The following DGKB variants were observed in gnomAD, a reference collection of about 807,000 sequenced individuals.
DGKB encodes 90 kDa diacylglycerol kinase.
Under a neutral mutation model 114.3 loss-of-function variants are expected in DGKB, and 67 were observed. The ratio of observed to expected loss-of-function variants is 0.59; its 90% CI spans 0.48 to 0.72. The LOEUF is 0.72. Among genes scored for constraint, DGKB ranks in the 30% least tolerant of loss-of-function variants. The pLI is 0.00. For missense variants in DGKB, 907 were observed against 975.2 expected, an observed-to-expected ratio of 0.93 and a Z score of 0.93; for synonymous variants, 398 against 323.1, an observed-to-expected ratio of 1.23 and a Z score of -2.49.
chr7:14,843,667 C>G (rs1562694664), intron 1 of DGKB, among the ~76,000 whole-genome samples: 1 of 152,122 alleles, frequency 6.6e-6, no homozygotes, highest in Non-Finnish European at 1.5e-5. Context: ...ATTAAGTGAG[C>G]CAGAATAAGT....
intron 1 of DGKB, among the ~76,000 whole-genome samples, chr7:14,939,539 C>T (rs1785451903): frequency 6.6e-6 from 1 of 151,810 alleles, no homozygotes; most frequent in Admixed American, 6.6e-5. Context: ...AAAGCATGTT[C>T]CCTGCCATTT....
chr7:14,921,678 C>A (rs1396133054), intron 1 of DGKB, among the ~76,000 whole-genome samples: 2 of 152,076 alleles, frequency 1.3e-5, no homozygotes, highest in East Asian at 1.9e-4. Flanking sequence ...AAATAATTGA[C>A]CCAAAATGTC....
At chr7:14,471,166 A>C (rs555366770) in intron 21 of DGKB, among the ~76,000 whole-genome samples, 2 of 130,824 alleles carry the variant, frequency 1.5e-5, no homozygotes, top group African/African-American at 5.4e-5. Flanking sequence ...TTTTCCATAT[A>C]TATGGAATAT....
chr7:14,451,745 A>G (rs765144965), intron 21 of DGKB, among the ~76,000 whole-genome samples: 2 of 152,128 alleles, frequency 1.3e-5, no homozygotes, highest in African/African-American at 4.8e-5. Flanking sequence ...AGTTACATCA[A>G]TGAGAAAATG....
chr7:14,704,648 T>G (rs1390393591), intron 6 of DGKB, among the ~76,000 whole-genome samples: 2 of 152,088 alleles, frequency 1.3e-5, no homozygotes, highest in East Asian at 3.9e-4. Context: ...CCTCTTCAAG[T>G]GGGTCCCTAA....
At chr7:14,818,929 T>C (rs1488644469) in intron 2 of DGKB, among the ~76,000 whole-genome samples, 1 of 152,178 alleles carries the variant, frequency 6.6e-6, no homozygotes, top group Non-Finnish European at 1.5e-5. Flanking sequence ...ACTACACAAA[T>C]AGGCATAGCT....
intron 1 of DGKB, among the ~76,000 whole-genome samples, chr7:14,951,920 T>C (rs568449162): frequency 6.6e-6 from 1 of 152,126 alleles, no homozygotes; most frequent in South Asian, 2.1e-4. Context: ...AGGATCTAAA[T>C]AAAAGGAAAG....
intron 12 of DGKB, among the ~76,000 whole-genome samples, chr7:14,676,562 ACCC>A (rs1819892903): frequency 6.6e-6 from 1 of 152,062 alleles, no homozygotes; most frequent in African/African-American, 2.4e-5. Flanking sequence ...CCTACTAAGT[ACCC>A]ACAAAATTAA....
At chr7:14,830,664 G>A (rs976482117) in intron 2 of DGKB, among the ~76,000 whole-genome samples, 3 of 151,986 alleles carry the variant, frequency 2.0e-5, no homozygotes, top group African/African-American at 7.2e-5. Flanking sequence ...GGCAGCTGCA[G>A]TCACTCAAAA....
At chr7:14,402,712 G>C (rs187973406) in intron 21 of DGKB, among the ~76,000 whole-genome samples, 1 of 152,022 alleles carries the variant, frequency 6.6e-6, no homozygotes, top group African/African-American at 2.4e-5. Context: ...ATGATACCCA[G>C]TTTGGCCACA....
chr7:14,586,919 A>G (rs962508413), intron 17 of DGKB, among the ~76,000 whole-genome samples: 2 of 152,096 alleles, frequency 1.3e-5, no homozygotes, highest in Non-Finnish European at 2.9e-5. Flanking sequence ...GTCACCCAAT[A>G]TTCTGATGGA....
chr7:14,549,773 G>A (rs887081610), intron 20 of DGKB, among the ~76,000 whole-genome samples: 11 of 152,160 alleles, frequency 7.2e-5, no homozygotes, highest in Non-Finnish European at 1.6e-4. Flanking sequence ...TGGATCACAA[G>A]GTCAAGAGAT....
chr7:14,584,260 G>C (rs747851285), intron 17 of DGKB, among the ~76,000 whole-genome samples: 7 of 152,092 alleles, frequency 4.6e-5, no homozygotes, highest in Non-Finnish European at 1.0e-4. Context: ...CTCTTTTTAT[G>C]AATTTTTAAG....
At chr7:14,437,901 G>A (rs1463511066) in intron 21 of DGKB, among the ~76,000 whole-genome samples, 1 of 151,098 alleles carries the variant, frequency 6.6e-6, no homozygotes, top group Non-Finnish European at 1.5e-5. Flanking sequence ...ACACGTCAAA[G>A]AAATAGAAGC....
chr7:14,719,153 T>G (rs73055219), intron 5 of DGKB, among the ~76,000 whole-genome samples: 36,198 of 152,098 alleles, frequency 0.24, 4,922 homozygotes, highest in East Asian at 0.55. Flanking sequence ...GTCATATATT[T>G]GTTTCAAATA....
At position 14,533,602 on chromosome 7, in the gene DGKB, C is replaced by T. The variant is rs192741408; in HGVS notation, c.1770+40610G>A. 3.5e-3 allele frequency among the ~76,000 whole-genome samples: 533 copies of T among 151,558 alleles called. 4 individuals carry two copies. Among genetic ancestry groups the T allele is most frequent in the African/African-American group, 0.012 (502 of 41,384 alleles). On this transcript the variant is annotated intron_variant, in intron 20 of 25. Coordinates refer to ENST00000402815, the MANE Select transcript of DGKB (RefSeq NM_001350709.2). ...CACAAGTAACCGAAATAGTTTTAAA[C>T]CTAAAGAAGTCTACAATGAGAAACA...
At chr7:14,266,913 T>C (rs891574899) in intron 23 of DGKB, among the ~76,000 whole-genome samples, 6 of 152,248 alleles carry the variant, frequency 3.9e-5, no homozygotes, top group Admixed American at 1.3e-4. Flanking sequence ...TGTACATAAC[T>C]GTAACAGGTT....
At position 14,675,467 on chromosome 7, in the gene DGKB, G is replaced by A. The variant is rs141082043; in HGVS notation, c.1036-2440C>T. Among the ~76,000 whole-genome samples, 27 of 152,114 alleles carry A rather than the reference G, an allele frequency of 1.8e-4. 1 individual carries two copies. The East Asian group carries it at 3.7e-3, about 21-fold the overall frequency. On this transcript the variant is annotated intron_variant, in intron 12 of 25. Transcript: ENST00000402815. ...GTTTCCCAGAAGGAAGGAAAGAATC[G>A]AAGACTCAGATAGAATCATGCAATA...
At chr7:14,341,076 C>T (rs960081870) in intron 22 of DGKB, among the ~76,000 whole-genome samples, 1 of 151,454 alleles carries the variant, frequency 6.6e-6, no homozygotes, top group Admixed American at 6.6e-5. Flanking sequence ...TGTTTTCACT[C>T]TTCAGAGTTT....
Sources: gnomAD v4.1 joint callset for allele counts (sites outside exome capture counted in the v4.1 genomes callset) on GRCh38, gnomAD v4.1.1 for gene constraint, MANE v1.5 for transcripts, NCBI Gene and HGNC (gene_info 2026-07-23, HGNC 2026-07-21) for gene names.